The following CDS2 variants were observed in gnomAD, a reference collection of about 807,000 sequenced individuals.
CDS2 encodes phosphatidate cytidylyltransferase 2.
In CDS2, 47 loss-of-function variants were observed where a neutral mutation model predicts 59.0. That is an observed-to-expected ratio of 0.80 (90% confidence interval 0.63 to 1.02). The LOEUF (loss-of-function observed/expected upper bound fraction) is 1.02, where lower values mean the gene tolerates loss of function less well. Ranked by LOEUF, CDS2 falls within the 50% of genes least tolerant of loss-of-function variation. The pLI, the probability that CDS2 is intolerant of heterozygous loss-of-function variation, is 0.00. For missense variants in CDS2, 356 were observed against 558.9 expected, an observed-to-expected ratio of 0.64 and a Z score of 3.66; for synonymous variants, 207 against 206.4, an observed-to-expected ratio of 1.00 and a Z score of -0.02.
intron 2 of CDS2, 97 bp downstream of exon 2, chr20:5,173,756 A>C: frequency 7.0e-7 from 1 of 1,432,956 alleles, no homozygotes; most frequent in South Asian, 1.2e-5. Flanking sequence ...CTTGCAGAGC[A>C]GGCCCGCTGT....
chr20:5,129,519 C>T (rs1166464647), intron 1 of CDS2, among the ~76,000 whole-genome samples: 2 of 149,754 alleles, frequency 1.3e-5, no homozygotes, highest in Non-Finnish European at 3.0e-5. Context: ...GTTGGCTCAT[C>T]GCAACCTCTA....
At chr20:5,175,486 G>A (rs533296128) in intron 3 of CDS2, 7 of 497,602 alleles carry the variant, frequency 1.4e-5, no homozygotes, top group Admixed American at 1.1e-4. Flanking sequence ...TATGGTTGAA[G>A]ATGTCTCAGT....
chr20:5,185,185 C>T (rs555052249), intron 8 of CDS2, among the ~76,000 whole-genome samples: 1 of 151,626 alleles, frequency 6.6e-6, no homozygotes, highest in African/African-American at 2.4e-5. Flanking sequence ...CTATGGGATG[C>T]TGAGGCAGGA....
Position 5,184,793 on chromosome 20 carries a change from A to G in CDS2, c.672-65A>G, listed in dbSNP as rs2091055405. On this transcript the variant is annotated intron_variant, in intron 7 of 12. Coordinates refer to ENST00000460006, the MANE Select transcript of CDS2 (RefSeq NM_003818.4). The surrounding 1 kb of genome is among the most constrained non-coding windows in gnomAD (Gnocchi z 4.3). ...GGTGCTGGAATTTAAGAATGGCACT[A>G]TTTTGTGTACTTTTGAGGTACTGTC... The G allele has an allele frequency of 2.5e-6, 3 of 1,189,750 alleles. No homozygotes were observed. Among genetic ancestry groups the G allele is most frequent in the Non-Finnish European group, 3.8e-6 (3 of 794,082 alleles). The allele number at this position is 1,189,750 out of a possible 1,614,324, so 73.7% of individuals were successfully genotyped here. A position where few individuals can be genotyped will look rare whatever the true frequency, so the allele number is the denominator to read the frequency against.
chr20:5,196,205 G>C lies in CDS2; in HGVS notation c.*5971G>C, dbSNP rs2091156080. ...TGAACCAGGAGAAGATGGTTGTGGG[G>C]GTTTCTAGGAAGCAGCTGCTGTGAC... On this transcript the variant is annotated 3_prime_UTR_variant, in exon 13 of 13. Transcript: ENST00000460006. 1 of 152,176 alleles carries C rather than the reference G, an allele frequency of 6.6e-6. No individual in the cohort carries two copies. The highest frequency in any genetic ancestry group is 1.9e-4 in the East Asian group (1 of 5,188). The allele number at this position is 152,176 out of a possible 1,614,324, so 9.4% of individuals were successfully genotyped here. A position where few individuals can be genotyped will look rare whatever the true frequency, so the allele number is the denominator to read the frequency against.
intron 10 of CDS2, among the ~76,000 whole-genome samples, chr20:5,188,760 A>G (rs746507676): frequency 6.6e-6 from 1 of 152,190 alleles, no homozygotes; most frequent in Non-Finnish European, 1.5e-5. Context: ...GCATTGTAAC[A>G]TGGCGGAGAA....
Position 5,190,390 on chromosome 20 carries a change from T to A in CDS2, c.*156T>A. The A allele has an allele frequency of 1.5e-6, 1 of 672,944 alleles. No individual in the cohort carries two copies. Among genetic ancestry groups the A allele is most frequent in the South Asian group, 2.3e-5 (1 of 43,372 alleles). 41.7% of individuals were successfully genotyped at this position (672,944 alleles called of 1,614,324 possible). ...ATTTTTTATTTGTGGGTTCAAAAAATCTGTATATACAGTCTATGTGTTTAG... is the reference window on the plus strand; with the variant it reads ...ATTTTTTATTTGTGGGTTCAAAAAAACTGTATATACAGTCTATGTGTTTAG... On this transcript the variant is annotated 3_prime_UTR_variant, in exon 13 of 13. Transcript: ENST00000460006.
intron 5 of CDS2, among the ~76,000 whole-genome samples, chr20:5,180,134 C>T (rs889066324): frequency 8.5e-5 from 13 of 152,076 alleles, no homozygotes; most frequent in African/African-American, 1.2e-4. Flanking sequence ...TGAGGATCTC[C>T]GCATGTTTAT....
At chr20:5,161,683 A>G (rs2090877754) in intron 1 of CDS2, among the ~76,000 whole-genome samples, 1 of 152,194 alleles carries the variant, frequency 6.6e-6, no homozygotes, top group African/African-American at 2.4e-5. Context: ...TTTACCTAAT[A>G]ATTTTTCCTT....
chr20:5,193,380 A>G lies in CDS2; in HGVS notation c.*3146A>G, dbSNP rs1427245252. ...ACATCCTTTGAAACTAATCTCTTTC[A>G]TTGGGGAGGATACAACTTTTGACTT... On this transcript the variant is annotated 3_prime_UTR_variant, in exon 13 of 13. Coordinates refer to ENST00000460006, the MANE Select transcript of CDS2 (RefSeq NM_003818.4). 1 of 152,206 alleles carries G rather than the reference A, an allele frequency of 6.6e-6. No individual in the cohort carries two copies. The highest frequency in any genetic ancestry group is 1.5e-5 in the Non-Finnish European group (1 of 68,028). The allele number at this position is 152,206 out of a possible 1,614,324, so 9.4% of individuals were successfully genotyped here.
intron 1 of CDS2, among the ~76,000 whole-genome samples, chr20:5,163,659 CGTT>C (rs1043882989): frequency 2.6e-5 from 4 of 152,104 alleles, no homozygotes; most frequent in African/African-American, 9.7e-5. Context: ...ATTGTCCTAT[CGTT>C]GGCCATTAGG....
At chr20:5,142,772 C>G (rs2090705893) in intron 1 of CDS2, among the ~76,000 whole-genome samples, 1 of 152,152 alleles carries the variant, frequency 6.6e-6, no homozygotes, top group South Asian at 2.1e-4. Context: ...GTATCTGATG[C>G]AGGGCTAATT....
intron 1 of CDS2, among the ~76,000 whole-genome samples, chr20:5,145,704 A>T (rs1156343673): frequency 6.6e-6 from 1 of 151,728 alleles, no homozygotes; most frequent in African/African-American, 2.4e-5. Flanking sequence ...CTAAGGCCAT[A>T]GTGTCCTTCC....
At chr20:5,141,563 CTGTATATTTGTATCCAATATGCAAATAT>C (rs1234300203) in intron 1 of CDS2, among the ~76,000 whole-genome samples, 1 of 152,090 alleles carries the variant, frequency 6.6e-6, no homozygotes, top group South Asian at 2.1e-4. Flanking sequence ...CTTCATCTGG[CTGTATATTTGTATCCAATATGCAAATAT>C]TGTATATTTG....
chr20:5,137,068 G>T (rs1197661132), intron 1 of CDS2, among the ~76,000 whole-genome samples: 2 of 151,952 alleles, frequency 1.3e-5, no homozygotes, highest in Non-Finnish European at 2.9e-5. Context: ...ATTTGCTTAG[G>T]ATAATGACCC....
At chr20:5,141,812 C>T (rs559118913) in intron 1 of CDS2, among the ~76,000 whole-genome samples, 4 of 152,004 alleles carry the variant, frequency 2.6e-5, no homozygotes, top group Admixed American at 6.6e-5. Flanking sequence ...AGCTACTGTC[C>T]GCTGCAGAAT....
intron 1 of CDS2, among the ~76,000 whole-genome samples, chr20:5,164,812 C>T (rs1451809894): frequency 1.3e-5 from 2 of 152,170 alleles, no homozygotes; most frequent in Admixed American, 6.5e-5. Flanking sequence ...GTGATGTCAT[C>T]GGAACAGAGC....
chr20:5,164,443 T>C (rs192289453), intron 1 of CDS2, among the ~76,000 whole-genome samples: 14 of 152,226 alleles, frequency 9.2e-5, no homozygotes, highest in Non-Finnish European at 1.8e-4. Context: ...TGGCGATTTA[T>C]GATTTAGGGG....
intron 1 of CDS2, among the ~76,000 whole-genome samples, chr20:5,149,710 GTGTTTTT>G (rs1260812941): frequency 6.6e-6 from 1 of 151,082 alleles, no homozygotes; most frequent in Non-Finnish European, 1.5e-5. Context: ...CCTTCTCCTA[GTGTTTTT>G]TGTTTTTTGT....
Sources: gnomAD v4.1 joint callset for allele counts (sites outside exome capture counted in the v4.1 genomes callset) on GRCh38, gnomAD v4.1.1 for gene constraint, Gnocchi (gnomAD v3.1) non-coding constraint, MANE v1.5 for transcripts, NCBI Gene and HGNC (gene_info 2026-07-23, HGNC 2026-07-21) for gene names.